LRRC7: variants seen among roughly 807,000 people sequenced by gnomAD.
LRRC7 encodes leucine rich repeat containing 7.
In LRRC7, 23 loss-of-function variants were observed where a neutral mutation model predicts 175.7. The observed-to-expected ratio is 0.13, with a 90% CI of 0.09 to 0.19. The LOEUF (loss-of-function observed/expected upper bound fraction) is 0.19. Ranked by LOEUF, LRRC7 falls within the 10% of genes least tolerant of loss-of-function variation. LRRC7 has a pLI of 1.00. For missense variants in LRRC7, 1,354 were observed against 1,904.7 expected (o/e 0.71, Z 5.38); for synonymous variants, 685 against 680.9 (o/e 1.01, Z -0.09).
At chr1:69,684,429 AG>A (rs1660871863) in intron 2 of LRRC7, among the ~76,000 whole-genome samples, 1 of 152,148 alleles carries the variant, frequency 6.6e-6, no homozygotes, top group Non-Finnish European at 1.5e-5. Flanking sequence ...AGAGAAAGGG[AG>A]AAAAAGAGAG....
intron 8 of LRRC7, among the ~76,000 whole-genome samples, chr1:69,966,483 G>A (rs1442058259): frequency 6.6e-6 from 1 of 152,032 alleles, no homozygotes; most frequent in Non-Finnish European, 1.5e-5. Flanking sequence ...AACCTCACAG[G>A]TATAAAAATA....
intron 4 of LRRC7, among the ~76,000 whole-genome samples, chr1:69,796,996 C>T (rs1004611712): frequency 1.3e-5 from 2 of 151,882 alleles, no homozygotes; most frequent in Non-Finnish European, 2.9e-5. Context: ...ATTGTGAGAC[C>T]CTTGAGATTA....
chr1:69,682,456 G>A (rs1660609157), intron 2 of LRRC7, among the ~76,000 whole-genome samples: 1 of 152,050 alleles, frequency 6.6e-6, no homozygotes, highest in South Asian at 2.1e-4. Flanking sequence ...ATCAAGCATT[G>A]TTTTCAATGC....
intron 22 of LRRC7, among the ~76,000 whole-genome samples, chr1:70,047,602 T>C (rs1660425091): frequency 1.3e-5 from 2 of 152,140 alleles, no homozygotes; most frequent in Non-Finnish European, 2.9e-5. Context: ...TGAATATTTA[T>C]ATGAACAAAA....
intron 4 of LRRC7, among the ~76,000 whole-genome samples, chr1:69,816,353 G>T (rs1678601239): frequency 6.6e-6 from 1 of 152,084 alleles, no homozygotes; most frequent in African/African-American, 2.4e-5. Flanking sequence ...TCTCCAAAAT[G>T]CCTCACCTCT....
Position 70,107,796 on chromosome 1 carries a change from C to T in LRRC7, c.4590C>T (p.Asn1530=), listed in dbSNP as rs1036107257. ...TRVQPDGPAS[N]LLQPGDKILQ... Reference sequence around the variant, plus strand: ...TTCAGCCTGATGGGCCAGCATCAAACCTACTGCAGCCTGGTGATAAGATCC... The same window carrying T: ...TTCAGCCTGATGGGCCAGCATCAAATCTACTGCAGCCTGGTGATAAGATCC... Residue 1530 remains asparagine (N), a synonymous_variant, in exon 26 of 27, where the codon AAC becomes AAT. Coordinates refer to ENST00000651989, the MANE Select transcript of LRRC7 (RefSeq NM_001370785.2). 1.9e-6 allele frequency: 3 copies of T among 1,612,944 alleles called. No homozygotes were observed. In the African/African-American group the frequency reaches 4.0e-5, roughly 22 times the overall value.
chr1:70,121,764 A>G lies in LRRC7; in HGVS notation c.4621-16A>G. The G allele has an allele frequency of 6.6e-7, 1 of 1,513,364 alleles. No homozygotes were observed. The allele number at this position is 1,513,364 out of a possible 1,614,324, so 93.7% of individuals were successfully genotyped here. A position where few individuals can be genotyped will look rare whatever the true frequency, so the allele number is the denominator to read the frequency against. ...TAGTTTACATTGATTGCCCTGTTTT[A>G]TTTGTGTATTTACAGGCAAATGGAC... On this transcript the variant is annotated splice_polypyrimidine_tract_variant and intron_variant, in intron 26 of 26. Transcript: ENST00000651989.
intron 10 of LRRC7, 151 bp downstream of exon 10, chr1:69,986,537 T>A: frequency 1.7e-6 from 1 of 576,642 alleles, no homozygotes; most frequent in Non-Finnish European, 2.7e-6. Context: ...AAATAGTATC[T>A]AACAAATATC....
intron 2 of LRRC7, among the ~76,000 whole-genome samples, chr1:69,694,235 A>G (rs1259784500): frequency 6.6e-6 from 1 of 152,094 alleles, no homozygotes; most frequent in African/African-American, 2.4e-5. Flanking sequence ...ATGTATCCTC[A>G]CCTATAATAA....
In LRRC7 at chr1:69,846,505, G is replaced by C. The variant is rs544185717; in HGVS notation, c.647+8222G>C. On this transcript the variant is annotated intron_variant, in intron 7 of 26. Transcript: ENST00000651989. Reference sequence around the variant, plus strand: ...AAAGCACTCAGCTTCAGTTTTATAAGATCTCGGAGGCTTAGTCTCTAGTGG... The same window carrying C: ...AAAGCACTCAGCTTCAGTTTTATAACATCTCGGAGGCTTAGTCTCTAGTGG... 3.9e-5 allele frequency among the ~76,000 whole-genome samples: 6 copies of C among 152,148 alleles called. No individual in the cohort carries two copies. In the East Asian group the frequency reaches 1.2e-3, roughly 29 times the overall value.
rs1271556474 is a variant in LRRC7, at chr1:69,822,298, G to A, written c.422-3450G>A. On this transcript the variant is annotated intron_variant, in intron 4 of 26. Transcript: ENST00000651989. ...TGGCTGTGTATGCTGGCCAGACAAC[G>A]GCAAGTGCTCACACTCTCTGTCAGG... 8.5e-5 allele frequency among the ~76,000 whole-genome samples: 13 copies of A among 152,062 alleles called. 1 individual carries two copies. The South Asian group carries it at 1.5e-3, about 17-fold the overall frequency.
chr1:70,112,655 C>G (rs1412026630), intron 26 of LRRC7, among the ~76,000 whole-genome samples: 2 of 152,128 alleles, frequency 1.3e-5, no homozygotes, highest in Non-Finnish European at 2.9e-5. Flanking sequence ...CTTACCTCCT[C>G]CAGTGAATCA....
At chr1:69,787,553 T>A (rs942435732) in intron 3 of LRRC7, among the ~76,000 whole-genome samples, 5 of 152,210 alleles carry the variant, frequency 3.3e-5, no homozygotes, top group African/African-American at 9.6e-5. Context: ...TTTGGACTTC[T>A]GTGTACTTGC....
In LRRC7 at chr1:70,124,818, A is replaced by G. The variant is rs1331151187; in HGVS notation, c.*2931A>G. Reference sequence around the variant, plus strand: ...CTGGAATTCATGATGGCTCCAGTAGATTCTACCTCTTGGTCTTTAATTTTT... The same window carrying G: ...CTGGAATTCATGATGGCTCCAGTAGGTTCTACCTCTTGGTCTTTAATTTTT... On this transcript the variant is annotated 3_prime_UTR_variant, in exon 27 of 27. Coordinates refer to ENST00000651989, the MANE Select transcript of LRRC7 (RefSeq NM_001370785.2). Among the ~76,000 whole-genome samples, 1 of 152,118 alleles carries G rather than the reference A, an allele frequency of 6.6e-6. No individual in the cohort carries two copies. Among genetic ancestry groups the G allele is most frequent in the Admixed American group, 6.6e-5 (1 of 15,266 alleles).
At chr1:69,888,166 G>T (rs12754683) in intron 7 of LRRC7, among the ~76,000 whole-genome samples, 62,513 of 149,132 alleles carry the variant, frequency 0.42, 14,049 homozygotes, top group East Asian at 0.55. Flanking sequence ...CTTCCTGGCT[G>T]CTTTGTTTAC....
chr1:69,638,029 A>G (rs1237445076), intron 1 of LRRC7, among the ~76,000 whole-genome samples: 2 of 151,848 alleles, frequency 1.3e-5, no homozygotes, highest in East Asian at 3.9e-4. Flanking sequence ...TTGATGAGCA[A>G]TATGTTAGTG....
intron 2 of LRRC7, among the ~76,000 whole-genome samples, chr1:69,748,352 C>T (rs1669477183): frequency 6.6e-6 from 1 of 152,008 alleles, no homozygotes; most frequent in Non-Finnish European, 1.5e-5. Context: ...GTGAAGGGCA[C>T]CAAATTAACA....
intron 1 of LRRC7, among the ~76,000 whole-genome samples, chr1:69,584,108 T>C (rs973461383): frequency 2.6e-5 from 4 of 152,256 alleles, no homozygotes; most frequent in Middle Eastern, 3.4e-3. Flanking sequence ...ACTTCTCTCA[T>C]CCTAAATATC....
Position 70,125,152 on chromosome 1 carries a change from A to G in LRRC7, c.*3265A>G, listed in dbSNP as rs1458268386. 6.6e-6 allele frequency among the ~76,000 whole-genome samples: 1 copy of G among 152,260 alleles called. No individual in the cohort carries two copies. Among genetic ancestry groups the G allele is most frequent in the Non-Finnish European group, 1.5e-5 (1 of 68,046 alleles). ...GGAATATTCAAAGTCAGTATGAAAT[A>G]AAACATTATGCTAATGTATTGCTCA... On this transcript the variant is annotated 3_prime_UTR_variant, in exon 27 of 27. Transcript: ENST00000651989.
Sources: allele counts gnomAD v4.1 joint callset (sites outside exome capture counted in the v4.1 genomes callset), GRCh38; gene constraint gnomAD v4.1.1; transcripts MANE v1.5; gene names NCBI Gene and HGNC (gene_info 2026-07-23, HGNC 2026-07-21).